The following TUBGCP3 variants were observed in gnomAD, a reference collection of about 807,000 sequenced individuals.
TUBGCP3 encodes tubulin gamma complex component 3, also known as gamma-tubulin complex component 3.
TUBGCP3 carries 50 observed loss-of-function variants against 123.1 expected under a neutral mutation model. That is an observed-to-expected ratio of 0.41 (90% confidence interval 0.32 to 0.51). The LOEUF is 0.51. Ranked by LOEUF, TUBGCP3 falls within the 20% of genes least tolerant of loss-of-function variation. The pLI, the probability that TUBGCP3 is intolerant of heterozygous loss-of-function variation, is 0.36. For synonymous variants in TUBGCP3, 405 were observed against 413.9 expected (o/e 0.98, Z 0.26); for missense variants, 882 against 1,127.0 (o/e 0.78, Z 3.11).
intron 19 of TUBGCP3, among the ~76,000 whole-genome samples, chr13:112,500,694 G>C (rs1880845426): frequency 6.6e-6 from 1 of 152,190 alleles, no homozygotes; most frequent in African/African-American, 2.4e-5. Context: ...TGGTTGGGAA[G>C]ACACAATACA....
chr13:112,486,282 C>CTGGTGGGCATTT, intron 21 of TUBGCP3, 131 bp from the exon 22 acceptor site: 11 of 1,146,250 alleles, frequency 9.6e-6, no homozygotes, highest in Non-Finnish European at 1.3e-5. Context: ...AGTAAATGCC[C>CTGGTGGGCATTT]ACCAGGGCAG....
intron 13 of TUBGCP3, among the ~76,000 whole-genome samples, chr13:112,523,187 C>T (rs1019779852): frequency 1.6e-4 from 24 of 152,272 alleles, no homozygotes; most frequent in Admixed American, 5.9e-4. Flanking sequence ...TTTCATTAAA[C>T]CCACAATAAT....
intron 20 of TUBGCP3, among the ~76,000 whole-genome samples, chr13:112,492,260 A>G (rs1034298063): frequency 1.3e-5 from 2 of 152,254 alleles, no homozygotes; most frequent in Admixed American, 6.5e-5. Context: ...GCTTTAAACA[A>G]TATCTTTTGA....
intron 12 of TUBGCP3, 30 bp downstream of exon 12, chr13:112,527,344 C>G: frequency 6.8e-7 from 1 of 1,474,832 alleles, no homozygotes. Context: ...CATAAAACAT[C>G]AAAATCACAA....
intron 8 of TUBGCP3, 47 bp from the exon 9 acceptor site, chr13:112,548,223 A>G: frequency 6.9e-7 from 1 of 1,452,638 alleles, no homozygotes; most frequent in Non-Finnish European, 9.5e-7. Context: ...CTCATTACAC[A>G]TTGACTGATT....
Position 112,527,451 on chromosome 13 carries a change from C to T in TUBGCP3, c.1369G>A (p.Asp457Asn). 1 of 1,611,208 alleles carries T rather than the reference C, an allele frequency of 6.2e-7. No individual in the cohort carries two copies. The highest frequency in any genetic ancestry group is 8.5e-7 in the Non-Finnish European group (1 of 1,179,272). ...GTATACTTGTCGTGCCACAGTCGAT[C>T]TGTTTTAACTGTTGGATCTGATGCT... ...FVASDPTVKT[D>N]RLWHDKYTLR... The change falls in exon 12 of 22, where the codon GAT (aspartate) becomes AAT (asparagine). Residue 457 changes from aspartate (D) to asparagine (N), a missense_variant. Around this residue, in one of 3 missense-constraint regions of TUBGCP3, gnomAD observed 713 missense variants for 874.0 expected, o/e 0.82. Coordinates refer to ENST00000261965, the MANE Select transcript of TUBGCP3 (RefSeq NM_006322.6).
At chr13:112,506,655 G>A (rs761639502) in intron 17 of TUBGCP3, among the ~76,000 whole-genome samples, 2 of 152,194 alleles carry the variant, frequency 1.3e-5, no homozygotes, top group African/African-American at 2.4e-5. Context: ...ATGTGCATCC[G>A]AAGAATGGGT....
chr13:112,577,985 C>T (rs560553391), intron 1 of TUBGCP3, among the ~76,000 whole-genome samples: 63 of 152,128 alleles, frequency 4.1e-4, no homozygotes, highest in Non-Finnish European at 7.9e-4. Context: ...TTGGGAAAAG[C>T]TGAGTGTTGG....
At chr13:112,595,506 AT>A in the TUBGCP3 span, among the ~76,000 whole-genome samples, 1 of 152,146 alleles carries the variant, frequency 6.6e-6, no homozygotes, top group African/African-American at 2.4e-5. Flanking sequence ...CAATTAATAC[AT>A]TTTGCAGCTC....
intron 8 of TUBGCP3, among the ~76,000 whole-genome samples, chr13:112,549,915 A>T (rs1431640133): frequency 6.8e-6 from 1 of 147,602 alleles, no homozygotes; most frequent in Non-Finnish European, 1.5e-5. Context: ...GCTTGAACAC[A>T]GGAGGCGGGG....
the TUBGCP3 span, among the ~76,000 whole-genome samples, chr13:112,594,831 A>G: frequency 1.3e-5 from 2 of 152,216 alleles, no homozygotes; most frequent in Non-Finnish European, 2.9e-5. Context: ...CCCATGGATA[A>G]TGAAAAGTGT....
At chr13:112,525,203 G>A (rs370331635) in intron 13 of TUBGCP3, among the ~76,000 whole-genome samples, 83 of 152,026 alleles carry the variant, frequency 5.5e-4, no homozygotes, top group African/African-American at 1.9e-3. Flanking sequence ...AGTCTAATTC[G>A]TCCTATTTCT....
the TUBGCP3 span, among the ~76,000 whole-genome samples, chr13:112,598,905 C>T: frequency 6.9e-6 from 1 of 145,108 alleles, no homozygotes; most frequent in Non-Finnish European, 1.5e-5. Context: ...AAAATCGCAC[C>T]ACTGCACTCT....
At position 112,545,809 on chromosome 13, in the gene TUBGCP3, G is replaced by T. The variant is rs545309352; in HGVS notation, c.1225C>A (p.Pro409Thr). 2 of 1,614,098 alleles carry T rather than the reference G, an allele frequency of 1.2e-6. No homozygotes were observed. The highest frequency in any genetic ancestry group is 1.7e-6 in the Non-Finnish European group (2 of 1,180,012). ...TGCTGCACCAGAGACCGCATGTACG[G>T]GTCTCCTGTTTTTGTGTAGGCGTGG... The part of the protein sequence containing the change: ...AVHAYTKTGD[P>T]YMRSLVQHIL... Residue 409 changes from proline (P) to threonine (T), a missense_variant, in exon 11 of 22, where the codon CCG becomes ACG. By Grantham distance (38) the Pro-to-Thr change is conservative (BLOSUM62 -1). This residue lies in a region of TUBGCP3 where 713 missense variants were observed against 874.0 expected (regional missense o/e 0.82). Coordinates refer to ENST00000261965, the MANE Select transcript of TUBGCP3 (RefSeq NM_006322.6). This position sits in a 1 kb window ranked among gnomAD's most constrained non-coding sequence, Gnocchi z 4.1.
chr13:112,559,365 A>G lies in TUBGCP3; in HGVS notation c.287T>C (p.Leu96Pro), dbSNP rs1284767586. The G allele has an allele frequency of 6.2e-7, 1 of 1,611,548 alleles. No homozygotes were observed. Among genetic ancestry groups the G allele is most frequent in the Non-Finnish European group, 8.5e-7 (1 of 1,178,714 alleles). The change falls in exon 4 of 22, where the codon CTC (leucine) becomes CCC (proline). Residue 96 changes from leucine to proline, a missense_variant. Around this residue, in one of 3 missense-constraint regions of TUBGCP3, gnomAD observed 713 missense variants for 874.0 expected, o/e 0.82. Transcript: ENST00000261965. ...TGGGTCCTCACTGAGGCTCAGCAAG[A>G]GGTAGAGTATTGACCATTTATTTTT... ...VLKNKWSILYLLLSLSEDPRR... is the reference protein window; with the variant it reads ...VLKNKWSILYPLLSLSEDPRR...
In TUBGCP3 at chr13:112,539,877, T is replaced by C. The variant is rs548560111; in HGVS notation, c.1335+5822A>G. 5.4e-3 allele frequency among the ~76,000 whole-genome samples: 627 copies of C among 115,228 alleles called. 11 individuals carry two copies. Among genetic ancestry groups the C allele is most frequent in the African/African-American group, 0.026 (587 of 22,362 alleles). The allele number at this position is 115,228 out of a possible 152,430, so 75.6% of individuals were successfully genotyped here. A position where few individuals can be genotyped will look rare whatever the true frequency, so the allele number is the denominator to read the frequency against. ...GCATTCAGGTGGTCTTGGGAAAGGA[T>C]ACCTGGGAGTGATGACGTCAATGTA... On this transcript the variant is annotated intron_variant, in intron 11 of 21. Transcript: ENST00000261965.
chr13:112,540,486 A>G (rs9604346), intron 11 of TUBGCP3, among the ~76,000 whole-genome samples: 4,748 of 97,178 alleles, frequency 0.049, 310 homozygotes, highest in African/African-American at 0.12. Context: ...CATTCAGGTG[A>G]TCTTGGGAAA....
At chr13:112,563,591 C>T (rs369726164) in intron 3 of TUBGCP3, among the ~76,000 whole-genome samples, 12 of 151,592 alleles carry the variant, frequency 7.9e-5, no homozygotes, top group African/African-American at 2.4e-4. Flanking sequence ...GGGCCAGGCG[C>T]GGTGGCTCAC....
At position 112,526,960 on chromosome 13, in the gene TUBGCP3, C is replaced by T; in HGVS notation, c.1537G>A (p.Ala513Thr). The change falls in exon 13 of 22, where the codon GCA (alanine) becomes ACA (threonine). Residue 513 changes from alanine (A) to threonine (T), a missense_variant. By Grantham distance (58) the Ala-to-Thr change is moderately conservative. This residue lies in a region of TUBGCP3 where 713 missense variants were observed against 874.0 expected (regional missense o/e 0.82). Transcript: ENST00000261965. ...TTKMIAVTKSAESPQDAADLF... is the reference protein window; with the variant it reads ...TTKMIAVTKSTESPQDAADLF... ...ATCATACCGTCCTGGGGTGACTCTG[C>T]AGACTTGGTCACAGCTATCATCTTT... is the stretch of plus-strand genomic sequence containing the variant. 1 of 1,613,932 alleles carries T rather than the reference C, an allele frequency of 6.2e-7. No homozygotes were observed. The highest frequency in any genetic ancestry group is 1.6e-4 in the Middle Eastern group (1 of 6,062).
Sources: gnomAD v4.1 joint callset for allele counts (sites outside exome capture counted in the v4.1 genomes callset) on GRCh38, gnomAD v4.1.1 for gene constraint, gnomAD v4.1.1 regional missense constraint, Gnocchi (gnomAD v3.1) non-coding constraint, MANE v1.5 for transcripts, NCBI Gene and HGNC (gene_info 2026-07-23, HGNC 2026-07-21) for gene names.